Variants in LRFN2 observed in about 807,000 individuals in gnomAD.
The protein encoded by LRFN2 is leucine rich repeat and fibronectin type III domain containing 2, also known as leucine-rich repeat and fibronectin type-III domain-containing protein 2.
Under a neutral mutation model 37.3 loss-of-function variants are expected in LRFN2, and 18 were observed. The ratio of observed to expected loss-of-function variants is 0.48; its 90% CI spans 0.33 to 0.72. The LOEUF is 0.72. Ranked by LOEUF, LRFN2 falls within the 30% of genes least tolerant of loss-of-function variation. The pLI, the probability that LRFN2 is intolerant of heterozygous loss-of-function variation, is 0.02. For synonymous variants in LRFN2, 556 were observed against 466.6 expected (o/e 1.19, Z -2.47); for missense variants, 1,006 against 1,060.7 (o/e 0.95, Z 0.72).
At position 40,462,881 on chromosome 6, in the gene LRFN2, G is replaced by A. The variant is rs372513944; in HGVS notation, c.-18-29750C>T. Among the ~76,000 whole-genome samples the A allele has an allele frequency of 6.8e-4, 103 of 152,304 alleles. No homozygotes were observed. In the South Asian group the frequency reaches 0.02, roughly 30 times the overall value. On this transcript the variant is annotated intron_variant, in intron 1 of 2. Transcript: ENST00000338305. ...ACCCTTGCCTAGTAATAGAATTGTGGTTGGGGAGATGGCTTCCAGAAAAAA... is the reference window on the plus strand; with the variant it reads ...ACCCTTGCCTAGTAATAGAATTGTGATTGGGGAGATGGCTTCCAGAAAAAA...
At chr6:40,529,849 G>T (rs1244219530) in intron 1 of LRFN2, among the ~76,000 whole-genome samples, 2 of 152,216 alleles carry the variant, frequency 1.3e-5, no homozygotes, top group African/African-American at 4.8e-5. Context: ...TCAGCCTAGT[G>T]CCTGGCACAC....
intron 1 of LRFN2, among the ~76,000 whole-genome samples, chr6:40,560,471 C>A (rs1009507289): frequency 1.3e-5 from 2 of 152,172 alleles, no homozygotes; most frequent in Admixed American, 6.5e-5. Flanking sequence ...GTGTGCCTGA[C>A]TCCTCCATTC....
At chr6:40,564,499 C>G (rs1467375270) in intron 1 of LRFN2, among the ~76,000 whole-genome samples, 1 of 152,188 alleles carries the variant, frequency 6.6e-6, no homozygotes, top group East Asian at 1.9e-4. Context: ...CCAGTGGGAT[C>G]AAGGTGTCAT....
At chr6:40,412,756 T>C (rs568891081) in intron 2 of LRFN2, among the ~76,000 whole-genome samples, 1 of 152,340 alleles carries the variant, frequency 6.6e-6, no homozygotes, top group South Asian at 2.1e-4. Context: ...TACAAGTCCC[T>C]GCCTTGTGGA....
chr6:40,567,159 C>T (rs1177707008), intron 1 of LRFN2, among the ~76,000 whole-genome samples: 3 of 152,172 alleles, frequency 2.0e-5, no homozygotes, highest in African/African-American at 7.2e-5. Flanking sequence ...CAGCCTGAGA[C>T]TCCCTCCCTT....
At chr6:40,586,306 C>T (rs972618915) in intron 1 of LRFN2, among the ~76,000 whole-genome samples, 3 of 152,138 alleles carry the variant, frequency 2.0e-5, no homozygotes, top group African/African-American at 7.2e-5. Context: ...ATGCCACTTT[C>T]CATATTGCTT....
At chr6:40,428,134 T>C (rs1436014423) in intron 2 of LRFN2, among the ~76,000 whole-genome samples, 2 of 152,246 alleles carry the variant, frequency 1.3e-5, no homozygotes, top group Non-Finnish European at 2.9e-5. Flanking sequence ...ACCCTTAGAA[T>C]AGTGACCAGC....
At chr6:40,503,755 G>C (rs115780086) in intron 1 of LRFN2, among the ~76,000 whole-genome samples, 184 of 152,286 alleles carry the variant, frequency 1.2e-3, no homozygotes, top group Non-Finnish European at 2.1e-3. Flanking sequence ...CGTGCCATTG[G>C]AGGCAAGGGA....
At chr6:40,490,635 A>G (rs1347055308) in intron 1 of LRFN2, among the ~76,000 whole-genome samples, 1 of 152,220 alleles carries the variant, frequency 6.6e-6, no homozygotes, top group Non-Finnish European at 1.5e-5. Context: ...TGGCTGGCAC[A>G]GGCCACAGCA....
At position 40,532,819 on chromosome 6, in the gene LRFN2, A is replaced by G. The variant is rs542060573; in HGVS notation, c.-19+54122T>C. ...GCTCATTAAGGGCGGAACCCTGTCA[A>G]TTTTGTACCTTGAGCCCCCAGCAGG... On this transcript the variant is annotated intron_variant, in intron 1 of 2. Transcript: ENST00000338305. Among the ~76,000 whole-genome samples, 9 of 152,334 alleles carry G rather than the reference A, an allele frequency of 5.9e-5. No individual in the cohort carries two copies. In the South Asian group the frequency reaches 1.7e-3, roughly 28 times the overall value.
chr6:40,512,958 T>G (rs545517289), intron 1 of LRFN2, among the ~76,000 whole-genome samples: 1 of 152,326 alleles, frequency 6.6e-6, no homozygotes, highest in Admixed American at 6.5e-5. Context: ...ATCTTCCAGC[T>G]CAGCCAAGGT....
chr6:40,556,451 C>T (rs1766882029), intron 1 of LRFN2, among the ~76,000 whole-genome samples: 1 of 152,126 alleles, frequency 6.6e-6, no homozygotes, highest in Non-Finnish European at 1.5e-5. Context: ...TCTGAAAGGA[C>T]AGAGGAAAGG....
At chr6:40,427,115 T>C (rs886515310) in intron 2 of LRFN2, among the ~76,000 whole-genome samples, 2 of 152,252 alleles carry the variant, frequency 1.3e-5, no homozygotes, top group Admixed American at 6.5e-5. Context: ...TGAAGATAGA[T>C]GATTAATTGA....
chr6:40,511,124 T>G (rs1765694448), intron 1 of LRFN2, among the ~76,000 whole-genome samples: 1 of 151,740 alleles, frequency 6.6e-6, no homozygotes, highest in Admixed American at 6.6e-5. Flanking sequence ...GGGGAAATAA[T>G]GAGGGGAGAC....
Position 40,432,931 on chromosome 6 carries a change from G to A in LRFN2, c.183C>T (p.Gly61=). ...DRRTVELRLG[G]NFIIHISRQD... ...GGCGGCTGATGTGGATGATGAAGTT[G>A]CCGCCCAGGCGCAGCTCCACTGTCC... Residue 61 remains glycine (G), a synonymous_variant, in exon 2 of 3, where the codon GGC becomes GGT. Transcript: ENST00000338305. The A allele has an allele frequency of 6.2e-7, 1 of 1,614,030 alleles. No individual in the cohort carries two copies. The highest frequency in any genetic ancestry group is 8.5e-7 in the Non-Finnish European group (1 of 1,179,892).
At chr6:40,540,477 G>A (rs943841236) in intron 1 of LRFN2, among the ~76,000 whole-genome samples, 2 of 152,058 alleles carry the variant, frequency 1.3e-5, no homozygotes, top group African/African-American at 2.4e-5. Flanking sequence ...CCACAGGGGC[G>A]GGGAGCACTG....
In LRFN2 at chr6:40,392,833, T is replaced by C. The variant is rs780121349; in HGVS notation, c.1480A>G (p.Met494Val). 1 of 1,613,988 alleles carries C rather than the reference T, an allele frequency of 6.2e-7. No individual in the cohort carries two copies. The highest frequency in any genetic ancestry group is 1.1e-5 in the South Asian group (1 of 91,040). Residue 494 changes from methionine (M) to valine (V), a missense_variant, in exon 3 of 3, where the codon ATG becomes GTG. Coordinates refer to ENST00000338305, the MANE Select transcript of LRFN2 (RefSeq NM_020737.3). The surrounding 1 kb of genome is among the most constrained non-coding windows in gnomAD (Gnocchi z 4.7). ...GTGYDLCVLA[M>V]WDDTATTLTA... ...AGTGTCGTGGCTGTGTCATCCCACA[T>C]GGCCAGCACACACAAGTCGTAGCCA...
chr6:40,417,614 C>T (rs1487013246), intron 2 of LRFN2, among the ~76,000 whole-genome samples: 1 of 152,110 alleles, frequency 6.6e-6, no homozygotes. Context: ...TCAGTGATGG[C>T]GTGGGATGCT....
chr6:40,431,992 G>T lies in LRFN2; in HGVS notation c.1122C>A (p.Val374=). The change falls in exon 2 of 3, where the codon GTC becomes GTA. Residue 374 remains valine (V), a synonymous_variant. Transcript: ENST00000338305. Reference sequence around the variant, plus strand: ...TGAGGTGTGGCAGCTGGACGATGGAGACCTCCACCATGGCCGTGGCCTCTC... The same window carrying T: ...TGAGGTGTGGCAGCTGGACGATGGATACCTCCACCATGGCCGTGGCCTCTC... The part of the protein sequence containing the change: ...AAGEATAMVE[V]SIVQLPHLSN... The T allele has an allele frequency of 6.2e-7, 1 of 1,613,680 alleles. No homozygotes were observed.
Sources: gnomAD v4.1 joint callset for allele counts (sites outside exome capture counted in the v4.1 genomes callset) on GRCh38, gnomAD v4.1.1 for gene constraint, Gnocchi (gnomAD v3.1) non-coding constraint, MANE v1.5 for transcripts, NCBI Gene and HGNC (gene_info 2026-07-23, HGNC 2026-07-21) for gene names.